Variants in ENPP1 observed in about 807,000 individuals in gnomAD.
ENPP1 encodes the protein ectonucleotide pyrophosphatase/phosphodiesterase 1, also known as ectonucleotide pyrophosphatase/phosphodiesterase family member 1.
Under a neutral mutation model 122.8 loss-of-function variants are expected in ENPP1, and 73 were observed. The ratio of observed to expected loss-of-function variants is 0.59; its 90% CI spans 0.49 to 0.72. The LOEUF (loss-of-function observed/expected upper bound fraction) is 0.72, where lower values mean the gene tolerates loss of function less well. Ranked by LOEUF, ENPP1 falls within the 30% of genes least tolerant of loss-of-function variation. The pLI is 0.00. For synonymous variants in ENPP1, 367 were observed against 391.6 expected, an observed-to-expected ratio of 0.94 and a Z score of 0.74; for missense variants, 978 against 1,128.1, an observed-to-expected ratio of 0.87 and a Z score of 1.91.
chr6:131,847,243 CTG>C (rs1781822015), intron 1 of ENPP1, among the ~76,000 whole-genome samples: 1 of 152,128 alleles, frequency 6.6e-6, no homozygotes, highest in Non-Finnish European at 1.5e-5. Context: ...AATCCAGACT[CTG>C]TAAATAGTTT....
intron 1 of ENPP1, among the ~76,000 whole-genome samples, chr6:131,835,300 C>G (rs1376774237): frequency 6.6e-6 from 1 of 152,144 alleles, no homozygotes; most frequent in Admixed American, 6.5e-5. Flanking sequence ...TGTCAATTGT[C>G]ATTACCAGCT....
chr6:131,872,929 G>T lies in ENPP1; in HGVS notation c.1444G>T (p.Glu482Ter). The change falls in exon 15 of 25, where the codon GAA becomes TAA. Residue 482 changes from glutamate to a stop codon, truncating the protein, a stop_gained. Coordinates refer to ENST00000647893, the MANE Select transcript of ENPP1 (RefSeq NM_006208.3). LOFTEE classifies it high-confidence loss of function. ...EGIARNLSCREPNQHFKPYLK... is the reference protein window; with the variant it reads ...EGIARNLSCR Reference sequence around the variant, plus strand: ...TTGCTGTTTGCAATTTCAGTGCCGGGAACCAAACCAGCACTTCAAACCTTA... The same window carrying T: ...TTGCTGTTTGCAATTTCAGTGCCGGTAACCAAACCAGCACTTCAAACCTTA... The T allele has an allele frequency of 6.2e-7, 1 of 1,613,614 alleles. No homozygotes were observed. The highest frequency in any genetic ancestry group is 8.5e-7 in the Non-Finnish European group (1 of 1,179,682).
At chr6:131,866,455 G>A (rs1233293942) in intron 11 of ENPP1, among the ~76,000 whole-genome samples, 1 of 152,144 alleles carries the variant, frequency 6.6e-6, no homozygotes, top group African/African-American at 2.4e-5. Flanking sequence ...AGGCAAAAAA[G>A]CATCCTTATT....
intron 9 of ENPP1, among the ~76,000 whole-genome samples, chr6:131,862,799 C>CA (rs1366505523): frequency 1.3e-5 from 2 of 152,188 alleles, no homozygotes; most frequent in Admixed American, 6.5e-5. Context: ...CAGACTCTTA[C>CA]AGCTGGAGGC....
rs1782483415 is a variant in ENPP1, at chr6:131,892,431, A to G, written c.*1920A>G. The stretch of plus-strand genomic sequence containing the variant: ...GGGCAAGGTGAGAATTCAGTTTCCC[A>G]TTAGGTCTTTATTGATTCTTCCCTG... On this transcript the variant is annotated 3_prime_UTR_variant, in exon 25 of 25. Coordinates refer to ENST00000647893, the MANE Select transcript of ENPP1 (RefSeq NM_006208.3). The G allele has an allele frequency of 6.6e-6, 1 of 152,140 alleles. No homozygotes were observed. Among genetic ancestry groups the G allele is most frequent in the South Asian group, 2.1e-4 (1 of 4,826 alleles). The allele number at this position is 152,140 out of a possible 1,614,324, so 9.4% of individuals were successfully genotyped here.
chr6:131,813,723 A>C (rs964393406), intron 1 of ENPP1, among the ~76,000 whole-genome samples: 2 of 151,814 alleles, frequency 1.3e-5, no homozygotes, highest in Non-Finnish European at 2.9e-5. Flanking sequence ...TTACGCCTCA[A>C]CTCCAAAAGG....
rs11964389 is a variant in ENPP1 at position 131,890,632 on chromosome 6, G to C, written c.*121G>C. On this transcript the variant is annotated 3_prime_UTR_variant, in exon 25 of 25. Coordinates refer to ENST00000647893, the MANE Select transcript of ENPP1 (RefSeq NM_006208.3). ...CGACCAGAGTTAGAACGGAGCCCTC[G>C]GTGATGCGGACATCTCAGGGAAACT... The C allele has an allele frequency of 0.035, 29,942 of 854,590 alleles. 1,548 individuals are homozygous for C. The highest frequency in any genetic ancestry group is 0.21 in the African/African-American group (12,351 of 59,264). 52.9% of individuals were successfully genotyped at this position (854,590 alleles called of 1,614,324 possible).
intron 1 of ENPP1, among the ~76,000 whole-genome samples, chr6:131,822,470 ATAC>A (rs1781494658): frequency 6.6e-6 from 1 of 152,156 alleles, no homozygotes; most frequent in Non-Finnish European, 1.5e-5. Context: ...TGCTATAAAA[ATAC>A]TATCTATTGC....
chr6:131,854,985 A>T lies in ENPP1; in HGVS notation c.677A>T (p.His226Leu). ...SLDGFRAEYL[H>L]TWGGLLPVIS... Reference sequence around the variant, plus strand: ...GATGGATTCAGGGCAGAATATTTACACACTTGGGGTGGACTTCTTCCTGTT... The same window carrying T: ...GATGGATTCAGGGCAGAATATTTACTCACTTGGGGTGGACTTCTTCCTGTT... The change falls in exon 6 of 25, where the codon CAC becomes CTC. Residue 226 changes from histidine to leucine, a missense_variant. By Grantham distance (99) the His-to-Leu change is moderately conservative. Coordinates refer to ENST00000647893, the MANE Select transcript of ENPP1 (RefSeq NM_006208.3). 1 of 1,613,658 alleles carries T rather than the reference A, an allele frequency of 6.2e-7. No individual in the cohort carries two copies. The highest frequency in any genetic ancestry group is 1.7e-5 in the Admixed American group (1 of 59,998).
At chr6:131,864,816 G>A (rs780660735) in intron 10 of ENPP1, 50 bp from the exon 11 acceptor site, 4 of 1,213,320 alleles carry the variant, frequency 3.3e-6, no homozygotes, top group Non-Finnish European at 4.9e-6. Context: ...TTTCCATTCT[G>A]TTTTTCAATG....
chr6:131,880,615 G>T (rs189918875), intron 20 of ENPP1, among the ~76,000 whole-genome samples: 1 of 150,962 alleles, frequency 6.6e-6, no homozygotes, highest in Admixed American at 6.6e-5. Context: ...TTTCCTCCCC[G>T]ACCCCAGTTT....
intron 1 of ENPP1, among the ~76,000 whole-genome samples, chr6:131,810,261 A>T (rs1319280757): frequency 6.6e-6 from 1 of 152,124 alleles, no homozygotes; most frequent in Non-Finnish European, 1.5e-5. Flanking sequence ...GGAGGCTGAC[A>T]TGGGAGGTTC....
At chr6:131,859,357 C>T (rs896609878) in intron 7 of ENPP1, among the ~76,000 whole-genome samples, 10 of 151,924 alleles carry the variant, frequency 6.6e-5, no homozygotes, top group African/African-American at 2.2e-4. Flanking sequence ...AAGACAACAG[C>T]ATTGTTTTCA....
intron 1 of ENPP1, among the ~76,000 whole-genome samples, chr6:131,822,973 A>G (rs1383555406): frequency 1.3e-5 from 2 of 152,212 alleles, no homozygotes; most frequent in Non-Finnish European, 2.9e-5. Flanking sequence ...CAATGAGAAA[A>G]TATATACTCC....
At chr6:131,824,557 C>T (rs575251831) in intron 1 of ENPP1, among the ~76,000 whole-genome samples, 6 of 152,154 alleles carry the variant, frequency 3.9e-5, no homozygotes, top group African/African-American at 1.2e-4. Context: ...CAGGTTCAAG[C>T]GATTCTCCTG....
Position 131,854,910 on chromosome 6 carries a change from C to G in ENPP1, c.618-16C>G. Reference sequence around the variant, plus strand: ...TTTGCTTCTTTAAACATTTTTTTTTCTTTTTCATTACCCAGGTTTGAAACG... The same window carrying G: ...TTTGCTTCTTTAAACATTTTTTTTTGTTTTTCATTACCCAGGTTTGAAACG... On this transcript the variant is annotated splice_polypyrimidine_tract_variant and intron_variant, in intron 5 of 24. Coordinates refer to ENST00000647893, the MANE Select transcript of ENPP1 (RefSeq NM_006208.3). The G allele has an allele frequency of 6.4e-7, 1 of 1,573,728 alleles. No individual in the cohort carries two copies. The highest frequency in any genetic ancestry group is 1.4e-5 in the African/African-American group (1 of 73,716).
rs1437434466 is a variant in ENPP1 at position 131,851,277 on chromosome 6, T to C, written c.556+10T>C. On this transcript the variant is annotated intron_variant, in intron 4 of 24. Transcript: ENST00000647893. ...AGTTCTGTGTGTCAAGGTCAGGTGC[T>C]CGTTGGGCTCTGCAGCAGCCTGGTA... 3 of 1,613,968 alleles carry C rather than the reference T, an allele frequency of 1.9e-6. No homozygotes were observed. Among genetic ancestry groups the C allele is most frequent in the Non-Finnish European group, 2.5e-6 (3 of 1,179,968 alleles).
intron 1 of ENPP1, among the ~76,000 whole-genome samples, chr6:131,840,599 A>G (rs1019413924): frequency 6.6e-6 from 1 of 152,208 alleles, no homozygotes; most frequent in Non-Finnish European, 1.5e-5. Flanking sequence ...CAACTTTGTG[A>G]GGTGGGTATT....
At position 131,872,485 on chromosome 6, in the gene ENPP1, TGA is replaced by T. The variant is rs564197827; in HGVS notation, c.1437+386_1437+387del. 2.8e-3 allele frequency among the ~76,000 whole-genome samples: 420 copies of T among 152,306 alleles called. 2 individuals are homozygous for T. Among genetic ancestry groups the T allele is most frequent in the Admixed American group, 4.3e-3 (66 of 15,286 alleles). ...AAAAATTAAGTTTCTGTACTAGTGC[TGA>T]GTTATCTATACTACATTTTATACTC... On this transcript the variant is annotated intron_variant, in intron 14 of 24. Transcript: ENST00000647893.
Sources: allele counts gnomAD v4.1 joint callset (sites outside exome capture counted in the v4.1 genomes callset), GRCh38; gene constraint gnomAD v4.1.1; transcripts MANE v1.5; gene names NCBI Gene and HGNC (gene_info 2026-07-23, HGNC 2026-07-21).